MYO3A: variants seen among roughly 807,000 people sequenced by gnomAD.
The protein encoded by MYO3A is myosin IIIA.
In MYO3A, 180 loss-of-function variants were observed where a neutral mutation model predicts 192.7. The observed-to-expected ratio is 0.93, with a 90% CI of 0.83 to 1.06. MYO3A has a LOEUF of 1.06. Among genes scored for constraint, MYO3A ranks in the 50% least tolerant of loss-of-function variants. The pLI, the probability that MYO3A is intolerant of heterozygous loss-of-function variation, is 0.00. For missense variants in MYO3A, 1,896 were observed against 1,905.0 expected (o/e 1.00, Z 0.09); for synonymous variants, 628 against 645.3 (o/e 0.97, Z 0.41).
In MYO3A at chr10:26,066,062, C is replaced by T. The variant is rs1422592795; in HGVS notation, c.954-913C>T. ...GCGTGAACCCGGGAGGCGGAGCTTG[C>T]AGTGAGTCGAGATCGCGCCACTGCA... On this transcript the variant is annotated intron_variant, in intron 10 of 34. Transcript: ENST00000642920. 1.2e-4 allele frequency among the ~76,000 whole-genome samples: 5 copies of T among 40,422 alleles called. 2 individuals carry two copies. Among genetic ancestry groups the T allele is most frequent in the Admixed American group, 9.2e-4 (4 of 4,370 alleles). 26.5% of individuals were successfully genotyped at this position (40,422 alleles called of 152,430 possible).
chr10:25,990,983 G>A (rs1839990866), intron 4 of MYO3A, among the ~76,000 whole-genome samples: 1 of 152,142 alleles, frequency 6.6e-6, no homozygotes, highest in South Asian at 2.1e-4. Context: ...ATGTGTGCAT[G>A]TGTCTTTATA....
At chr10:25,982,305 A>G (rs1839384238) in intron 4 of MYO3A, among the ~76,000 whole-genome samples, 2 of 151,998 alleles carry the variant, frequency 1.3e-5, no homozygotes, top group African/African-American at 2.4e-5. Context: ...GTCTTTCTCT[A>G]CCCACTCTGG....
chr10:25,946,877 CAAAAAAAAA>C (rs34045169), intron 2 of MYO3A, among the ~76,000 whole-genome samples: 3 of 50,150 alleles, frequency 6.0e-5, no homozygotes, highest in Admixed American at 3.5e-4. Flanking sequence ...GACTCCGTCT[CAAAAAAAAA>C]AAAAAAAAAA....
chr10:26,140,273 A>C (rs960701505), intron 20 of MYO3A, among the ~76,000 whole-genome samples: 4 of 152,158 alleles, frequency 2.6e-5, no homozygotes, highest in African/African-American at 9.7e-5. Flanking sequence ...AATCATCTTG[A>C]ATCTCTCCTG....
intron 17 of MYO3A, among the ~76,000 whole-genome samples, chr10:26,105,664 T>G (rs1230610712): frequency 6.6e-6 from 1 of 152,128 alleles, no homozygotes; most frequent in Non-Finnish European, 1.5e-5. Flanking sequence ...GACTTACTTT[T>G]TGTCATATTT....
Position 26,099,034 on chromosome 10 carries a change from C to G in MYO3A, c.1776+2352C>G, listed in dbSNP as rs1837252904. Among the ~76,000 whole-genome samples the G allele has an allele frequency of 1.3e-5, 2 of 152,142 alleles. 1 individual carries two copies. Among genetic ancestry groups the G allele is most frequent in the South Asian group, 4.1e-4 (2 of 4,826 alleles). Reference sequence around the variant, plus strand: ...GCCATTTTCATGATATTGATTCTTCCTATCCATGAGTATGGAATATTCTTC... The same window carrying G: ...GCCATTTTCATGATATTGATTCTTCGTATCCATGAGTATGGAATATTCTTC... On this transcript the variant is annotated intron_variant, in intron 17 of 34. Coordinates refer to ENST00000642920, the MANE Select transcript of MYO3A (RefSeq NM_017433.5).
At chr10:25,941,829 A>G (rs1836507736) in intron 2 of MYO3A, among the ~76,000 whole-genome samples, 2 of 152,086 alleles carry the variant, frequency 1.3e-5, no homozygotes, top group East Asian at 3.9e-4. Context: ...ACTATTTTAA[A>G]CATCTCATAT....
chr10:26,128,763 G>A (rs947605016), intron 20 of MYO3A, among the ~76,000 whole-genome samples: 2 of 152,096 alleles, frequency 1.3e-5, no homozygotes, highest in Admixed American at 1.3e-4. Context: ...ATTGAAAATC[G>A]GTACACTCTT....
chr10:26,169,577 A>G (rs1482750849), intron 28 of MYO3A, among the ~76,000 whole-genome samples: 1 of 152,186 alleles, frequency 6.6e-6, no homozygotes, highest in African/African-American at 2.4e-5. Context: ...TTGGCCTACT[A>G]CATCAATTTT....
rs1022538865 is a variant in MYO3A, at chr10:26,158,502, G to A, written c.2999+987G>A. Among the ~76,000 whole-genome samples, 8 of 152,080 alleles carry A rather than the reference G, an allele frequency of 5.3e-5. No individual in the cohort carries two copies. In the East Asian group the frequency reaches 1.4e-3, roughly 26 times the overall value. ...GATCTTCTGACCTTGTGATCCACCCGTCTTGGCCTCCCAAAGTGCTAGGAT... is the reference window on the plus strand; with the variant it reads ...GATCTTCTGACCTTGTGATCCACCCATCTTGGCCTCCCAAAGTGCTAGGAT... On this transcript the variant is annotated intron_variant, in intron 26 of 34. Transcript: ENST00000642920.
At chr10:25,936,777 T>C (rs2130786721) in intron 2 of MYO3A, among the ~76,000 whole-genome samples, 1 of 152,316 alleles carries the variant, frequency 6.6e-6, no homozygotes, top group South Asian at 2.1e-4. Flanking sequence ...CAGTTTTCTT[T>C]TATGAAAATA....
Position 26,023,354 on chromosome 10 carries a change from A to G in MYO3A, c.732-668A>G, listed in dbSNP as rs900840957. On this transcript the variant is annotated intron_variant, in intron 8 of 34. Coordinates refer to ENST00000642920, the MANE Select transcript of MYO3A (RefSeq NM_017433.5). ...CAAATTCAACTATCATGGTTGATCA[A>G]TGTTGCTTGATTACAGAGTTAGATC... 5 of 152,364 alleles carry G rather than the reference A, an allele frequency of 3.3e-5. No homozygotes were observed. The East Asian group carries it at 5.8e-4, about 18-fold the overall frequency. The allele number at this position is 152,364 out of a possible 1,614,324, so 9.4% of individuals were successfully genotyped here. A position where few individuals can be genotyped will look rare whatever the true frequency, so the allele number is the denominator to read the frequency against.
chr10:26,056,487 G>A (rs11014936), intron 10 of MYO3A, among the ~76,000 whole-genome samples: 71,880 of 151,988 alleles, frequency 0.47, 17,843 homozygotes, highest in Middle Eastern at 0.59. Flanking sequence ...GAGAATGCCA[G>A]GGAGGATAAA....
intron 7 of MYO3A, 67 bp downstream of exon 7, chr10:26,016,963 A>G (rs1564463193): frequency 7.1e-7 from 1 of 1,406,892 alleles, no homozygotes; most frequent in South Asian, 1.2e-5. Context: ...TTTTATGTGT[A>G]CTCTATCTCT....
At chr10:26,008,472 G>T (rs1445094278) in intron 6 of MYO3A, among the ~76,000 whole-genome samples, 3 of 147,936 alleles carry the variant, frequency 2.0e-5, no homozygotes, top group Admixed American at 2.0e-4. Context: ...GAAAATTTTC[G>T]CAACCTACTC....
chr10:25,963,041 C>T (rs1838039200), intron 4 of MYO3A, among the ~76,000 whole-genome samples: 1 of 152,184 alleles, frequency 6.6e-6, no homozygotes, highest in Non-Finnish European at 1.5e-5. Flanking sequence ...CCAATCTTAG[C>T]TATAATTGCT....
chr10:26,024,445 T>C (rs886953356), intron 9 of MYO3A, among the ~76,000 whole-genome samples: 13 of 152,202 alleles, frequency 8.5e-5, no homozygotes, highest in Admixed American at 3.3e-4. Context: ...GCCTTTTAAT[T>C]GGGGCATTTA....
chr10:25,938,804 G>C (rs757453527), intron 2 of MYO3A, among the ~76,000 whole-genome samples: 1 of 152,070 alleles, frequency 6.6e-6, no homozygotes, highest in Non-Finnish European at 1.5e-5. Flanking sequence ...CCTGCTTTCT[G>C]CATGTATTTT....
chr10:26,148,004 G>A (rs1322114544), intron 23 of MYO3A, among the ~76,000 whole-genome samples: 2 of 152,244 alleles, frequency 1.3e-5, no homozygotes, highest in South Asian at 2.1e-4. Flanking sequence ...TATAGTTTGG[G>A]TTGTTTTTCT....
Sources: gnomAD v4.1 joint callset for allele counts (sites outside exome capture counted in the v4.1 genomes callset) on GRCh38, gnomAD v4.1.1 for gene constraint, MANE v1.5 for transcripts, NCBI Gene and HGNC (gene_info 2026-07-23, HGNC 2026-07-21) for gene names.